The following TRIM9 variants were observed in gnomAD, a reference collection of about 807,000 sequenced individuals.
TRIM9 encodes tripartite motif containing 9.
In TRIM9, 26 loss-of-function variants were observed where a neutral mutation model predicts 78.3. The observed-to-expected ratio is 0.33, with a 90% CI of 0.24 to 0.46. The LOEUF (loss-of-function observed/expected upper bound fraction) is 0.46. Ranked by LOEUF, TRIM9 falls within the 20% of genes least tolerant of loss-of-function variation. The pLI is 1.00. For missense variants in TRIM9, 787 were observed against 1,036.4 expected (o/e 0.76, Z 3.30); for synonymous variants, 398 against 416.5 (o/e 0.96, Z 0.54).
intron 1 of TRIM9, among the ~76,000 whole-genome samples, chr14:51,053,509 CTTTTT>C (rs201980160): frequency 0.12 from 14,118 of 113,752 alleles, 804 homozygotes; most frequent in Middle Eastern, 0.2. Context: ...AACAGGTATT[CTTTTT>C]TTTTTTTTTT....
At chr14:51,052,671 T>G (rs1412021793) in intron 1 of TRIM9, among the ~76,000 whole-genome samples, 1 of 152,192 alleles carries the variant, frequency 6.6e-6, no homozygotes, top group African/African-American at 2.4e-5. Context: ...AACATTCAGT[T>G]TAGCTGCTGG....
chr14:50,986,254 C>G, intron 7 of TRIM9, 110 bp from the exon 8 acceptor site: 1 of 982,122 alleles, frequency 1.0e-6, no homozygotes, highest in Non-Finnish European at 1.4e-6. Context: ...CCTCATCTTT[C>G]CCACAGGGTG....
intron 1 of TRIM9, among the ~76,000 whole-genome samples, chr14:51,053,595 A>ATTTTTTTTT (rs59227932): frequency 2.4e-5 from 2 of 82,194 alleles, no homozygotes; most frequent in Non-Finnish European, 4.7e-5. Context: ...TTTTTTTTTA[A>ATTTTTTTTT]TTTTTTTTTT....
At chr14:51,083,395 C>T (rs74381050) in intron 1 of TRIM9, among the ~76,000 whole-genome samples, 4,382 of 151,876 alleles carry the variant, frequency 0.029, 152 homozygotes, top group African/African-American at 0.082. Context: ...GCTCGGACTA[C>T]AGGCATGCGC....
chr14:51,054,753 T>A (rs567929112), intron 1 of TRIM9, among the ~76,000 whole-genome samples: 82 of 151,282 alleles, frequency 5.4e-4, no homozygotes, highest in African/African-American at 1.8e-3. Flanking sequence ...TTTGTATTTT[T>A]AGTAGAGACG....
intron 1 of TRIM9, among the ~76,000 whole-genome samples, chr14:51,049,267 A>G (rs879281073): frequency 2.6e-5 from 4 of 152,062 alleles, no homozygotes; most frequent in Non-Finnish European, 4.4e-5. Context: ...GGTTTCGCCA[A>G]GTTGACCAGG....
At chr14:51,020,112 G>A (rs1270106312) in intron 3 of TRIM9, among the ~76,000 whole-genome samples, 1 of 152,160 alleles carries the variant, frequency 6.6e-6, no homozygotes, top group African/African-American at 2.4e-5. Flanking sequence ...GGAAGCGGAA[G>A]AACATAAGAT....
Position 51,060,569 on chromosome 14 carries a change from C to T in TRIM9, c.822+33549G>A, listed in dbSNP as rs186768327. On this transcript the variant is annotated intron_variant, in intron 1 of 12. Transcript: ENST00000684578. Reference sequence around the variant, plus strand: ...GCAAGCTCCACTTCCAGGGTTCACACCATTCTCCTGCCTCAGCCTCCCAAG... The same window carrying T: ...GCAAGCTCCACTTCCAGGGTTCACATCATTCTCCTGCCTCAGCCTCCCAAG... Among the ~76,000 whole-genome samples the T allele has an allele frequency of 5.0e-4, 76 of 152,288 alleles. 1 individual carries two copies. In the South Asian group the frequency reaches 7.0e-3, roughly 14 times the overall value.
At chr14:51,061,815 T>C (rs74598030) in intron 1 of TRIM9, among the ~76,000 whole-genome samples, 3,910 of 152,338 alleles carry the variant, frequency 0.026, 67 homozygotes, top group East Asian at 0.048. Flanking sequence ...TTTTTGGATC[T>C]GTGAGTTGAA....
intron 1 of TRIM9, among the ~76,000 whole-genome samples, chr14:51,058,834 T>G (rs750583380): frequency 6.6e-6 from 1 of 152,194 alleles, no homozygotes; most frequent in Non-Finnish European, 1.5e-5. Flanking sequence ...GTTATAAGCT[T>G]TTGGAAGAAT....
intron 1 of TRIM9, among the ~76,000 whole-genome samples, chr14:51,075,940 A>AATTT (rs2062741259): frequency 6.6e-6 from 1 of 152,234 alleles, no homozygotes; most frequent in African/African-American, 2.4e-5. Context: ...TTCATTAAAT[A>AATTT]CACTTCTATT....
chr14:51,079,941 G>C (rs926918449), intron 1 of TRIM9, among the ~76,000 whole-genome samples: 1 of 152,232 alleles, frequency 6.6e-6, no homozygotes, highest in Non-Finnish European at 1.5e-5. Context: ...TGAAGGAGTA[G>C]AGAGTGCTAG....
chr14:51,053,595 A>ATTTTTTTTTTTTTT (rs59227932), intron 1 of TRIM9, among the ~76,000 whole-genome samples: 3 of 82,192 alleles, frequency 3.6e-5, no homozygotes, highest in African/African-American at 1.1e-4. Flanking sequence ...TTTTTTTTTA[A>ATTTTTTTTTTTTTT]TTTTTTTTTT....
chr14:51,065,091 C>T (rs1220439130), intron 1 of TRIM9, among the ~76,000 whole-genome samples: 1 of 152,106 alleles, frequency 6.6e-6, no homozygotes, highest in Non-Finnish European at 1.5e-5. Context: ...TAAAAAATAG[C>T]TCAACATTTT....
chr14:51,064,517 G>T (rs1023829628), intron 1 of TRIM9, among the ~76,000 whole-genome samples: 1 of 151,762 alleles, frequency 6.6e-6, no homozygotes, highest in Non-Finnish European at 1.5e-5. Flanking sequence ...AAAAGGGGAA[G>T]AAAAAGGAAA....
At chr14:51,063,223 T>C (rs569800142) in intron 1 of TRIM9, among the ~76,000 whole-genome samples, 28 of 152,266 alleles carry the variant, frequency 1.8e-4, no homozygotes, top group African/African-American at 5.5e-4. Flanking sequence ...AGCATCAATT[T>C]AATGGGCTTA....
At chr14:51,025,474 T>C in intron 1 of TRIM9, 114 bp from the exon 2 acceptor site, 1 of 855,548 alleles carries the variant, frequency 1.2e-6, no homozygotes, top group Non-Finnish European at 1.8e-6. Flanking sequence ...TTGTCTGAGG[T>C]TGGACCTTTT....
intron 3 of TRIM9, among the ~76,000 whole-genome samples, chr14:51,012,541 G>A (rs554289532): frequency 1.7e-4 from 26 of 152,286 alleles, no homozygotes; most frequent in African/African-American, 6.3e-4. Context: ...ATCTTTGTAA[G>A]TCTCCGCTTT....
At chr14:51,022,023 A>G (rs2057801132) in intron 3 of TRIM9, among the ~76,000 whole-genome samples, 1 of 152,204 alleles carries the variant, frequency 6.6e-6, no homozygotes, top group African/African-American at 2.4e-5. Context: ...CACCCTATCC[A>G]AAATTTCCAC....
Sources: allele counts gnomAD v4.1 joint callset (sites outside exome capture counted in the v4.1 genomes callset), GRCh38; gene constraint gnomAD v4.1.1; transcripts MANE v1.5; gene names NCBI Gene and HGNC (gene_info 2026-07-23, HGNC 2026-07-21).